Variants in NKAIN2 observed in about 807,000 individuals in gnomAD.
The protein encoded by NKAIN2 is sodium/potassium transporting ATPase interacting 2.
In NKAIN2, 14 loss-of-function variants were observed where a neutral mutation model predicts 32.6. The observed-to-expected ratio is 0.43, with a 90% confidence interval of 0.28 to 0.67. NKAIN2 has a LOEUF of 0.67. Among genes scored for constraint, NKAIN2 ranks in the 30% least tolerant of loss-of-function variants. The pLI is 0.17. For synonymous variants in NKAIN2, 80 were observed against 87.2 expected (o/e 0.92, Z 0.46); for missense variants, 198 against 258.3 (o/e 0.77, Z 1.60).
intron 3 of NKAIN2, among the ~76,000 whole-genome samples, chr6:124,655,474 C>G (rs1033914460): frequency 6.6e-6 from 1 of 152,096 alleles, no homozygotes; most frequent in African/African-American, 2.4e-5. Context: ...TACCATAGCT[C>G]TAGTGGCCAA....
rs1359472284 is a variant in NKAIN2 at position 123,938,451 on chromosome 6, TAC to T, written c.54+134212_54+134213del. 2.5e-3 allele frequency among the ~76,000 whole-genome samples: 203 copies of T among 81,240 alleles called. 3 individuals are homozygous for T. The highest frequency in any genetic ancestry group is 3.1e-3 in the African/African-American group (45 of 14,486). 53.3% of individuals were successfully genotyped at this position (81,240 alleles called of 152,430 possible). ...ATATATATATATATATATATATATA[TAC>T]ACACACACACACACGCATATTATAC... On this transcript the variant is annotated intron_variant, in intron 1 of 6. Coordinates refer to ENST00000368417, the MANE Select transcript of NKAIN2 (RefSeq NM_001040214.3).
At chr6:124,275,042 T>C (rs1026901980) in intron 1 of NKAIN2, among the ~76,000 whole-genome samples, 5 of 152,102 alleles carry the variant, frequency 3.3e-5, no homozygotes, top group African/African-American at 1.2e-4. Context: ...TTTAGAAGAA[T>C]TTTCTGTTTT....
chr6:123,983,886 G>A (rs1274839660), intron 1 of NKAIN2, among the ~76,000 whole-genome samples: 1 of 151,980 alleles, frequency 6.6e-6, no homozygotes, highest in Admixed American at 6.6e-5. Flanking sequence ...GCAAGCTAAT[G>A]TTTTATCACA....
intron 1 of NKAIN2, among the ~76,000 whole-genome samples, chr6:124,195,048 T>A (rs1342817865): frequency 2.0e-5 from 3 of 151,746 alleles, no homozygotes; most frequent in African/African-American, 7.2e-5. Flanking sequence ...GCAATTTTTT[T>A]ATTTTTTGTG....
At chr6:123,965,869 A>G (rs1047102992) in intron 1 of NKAIN2, among the ~76,000 whole-genome samples, 5 of 152,310 alleles carry the variant, frequency 3.3e-5, no homozygotes, top group Middle Eastern at 3.4e-3. Flanking sequence ...CTGGTATACA[A>G]TAAAACCCAG....
At chr6:124,363,603 G>T (rs1205541625) in intron 3 of NKAIN2, among the ~76,000 whole-genome samples, 1 of 152,222 alleles carries the variant, frequency 6.6e-6, no homozygotes, top group Non-Finnish European at 1.5e-5. Context: ...TGAAGACAGG[G>T]AAGGACTCTA....
At chr6:124,430,796 C>T (rs1001489445) in intron 3 of NKAIN2, among the ~76,000 whole-genome samples, 14 of 152,124 alleles carry the variant, frequency 9.2e-5, no homozygotes, top group African/African-American at 2.4e-4. Flanking sequence ...GTGACATATA[C>T]TCCACCTCTC....
chr6:124,119,213 C>T (rs1180346521), intron 1 of NKAIN2, among the ~76,000 whole-genome samples: 2 of 152,100 alleles, frequency 1.3e-5, no homozygotes, highest in African/African-American at 2.4e-5. Context: ...AGTTACCTCA[C>T]CTCTGAATAA....
At chr6:124,628,022 C>T (rs537321139) in intron 3 of NKAIN2, among the ~76,000 whole-genome samples, 16 of 152,292 alleles carry the variant, frequency 1.1e-4, no homozygotes, top group African/African-American at 2.6e-4. Context: ...CACACACATT[C>T]GCATATTCAT....
intron 4 of NKAIN2, among the ~76,000 whole-genome samples, chr6:124,774,945 A>G (rs1778924011): frequency 6.6e-6 from 1 of 152,026 alleles, no homozygotes; most frequent in South Asian, 2.1e-4. Context: ...ACAAGCACCA[A>G]GGATACTGTT....
chr6:124,025,804 T>C (rs1306839885), intron 1 of NKAIN2, among the ~76,000 whole-genome samples: 3 of 152,196 alleles, frequency 2.0e-5, no homozygotes, highest in Admixed American at 2.0e-4. Flanking sequence ...ACCTTAGCAT[T>C]GTGGGGATTC....
At position 124,433,707 on chromosome 6, in the gene NKAIN2, C is replaced by T. The variant is rs182100223; in HGVS notation, c.273+78360C>T. ...TGCCAGGTGAATCGGCACTATTATT[C>T]TATCAACCAGGCTCATATAGACAAG... On this transcript the variant is annotated intron_variant, in intron 3 of 6. Coordinates refer to ENST00000368417, the MANE Select transcript of NKAIN2 (RefSeq NM_001040214.3). Among the ~76,000 whole-genome samples the T allele has an allele frequency of 1.1e-4, 16 of 152,200 alleles. No homozygotes were observed. The East Asian group carries it at 1.9e-3, about 18-fold the overall frequency.
intron 1 of NKAIN2, among the ~76,000 whole-genome samples, chr6:124,169,822 C>T (rs1006523384): frequency 6.6e-6 from 1 of 152,192 alleles, no homozygotes; most frequent in African/African-American, 2.4e-5. Flanking sequence ...TGGGGTGGAA[C>T]GGACTTTCAC....
At chr6:124,568,490 A>G (rs612146) in intron 3 of NKAIN2, among the ~76,000 whole-genome samples, 85,587 of 151,952 alleles carry the variant, frequency 0.56, 27,399 homozygotes, top group Non-Finnish European at 0.7. Flanking sequence ...TTTATAGATG[A>G]AAAAACTGAG....
chr6:124,815,230 A>ATATGTATACATG lies in NKAIN2; in HGVS notation c.536-3154_536-3153insGTATACATGTAT, dbSNP rs1421727105. Among the ~76,000 whole-genome samples, 413 of 138,838 alleles carry ATATGTATACATG rather than the reference A, an allele frequency of 3.0e-3. 5 individuals are homozygous for ATATGTATACATG. Among genetic ancestry groups the ATATGTATACATG allele is most frequent in the African/African-American group, 0.01 (397 of 38,608 alleles). The allele number at this position is 138,838 out of a possible 152,430, so 91.1% of individuals were successfully genotyped here. A position where few individuals can be genotyped will look rare whatever the true frequency, so the allele number is the denominator to read the frequency against. On this transcript the variant is annotated intron_variant, in intron 5 of 6. Transcript: ENST00000368417. The stretch of plus-strand genomic sequence containing the variant: ...AGTCTTAAACTATATATATACATAT[A>ATATGTATACATG]TATATATATATGTATATATGTATAT...
At chr6:124,269,556 C>T (rs1211075479) in intron 1 of NKAIN2, among the ~76,000 whole-genome samples, 1 of 151,564 alleles carries the variant, frequency 6.6e-6, no homozygotes, top group Non-Finnish European at 1.5e-5. Flanking sequence ...AAACCTCCGC[C>T]TCCCAAGTTC....
At position 124,824,926 on chromosome 6, in the gene NKAIN2, GAACATA is replaced by G. The variant is rs1781528736; in HGVS notation, c.*1701_*1706del. ...ATAGAGGAACAAAGAGTTATCATTG[GAACATA>G]AACTATAAAAAAAGATTCCAGCACT... On this transcript the variant is annotated 3_prime_UTR_variant, in exon 7 of 7. Coordinates refer to ENST00000368417, the MANE Select transcript of NKAIN2 (RefSeq NM_001040214.3). 1 of 152,434 alleles carries G rather than the reference GAACATA, an allele frequency of 6.6e-6. No homozygotes were observed. The highest frequency in any genetic ancestry group is 1.5e-5 in the Non-Finnish European group (1 of 68,020). 9.4% of individuals were successfully genotyped at this position (152,434 alleles called of 1,614,324 possible).
chr6:124,455,934 A>G (rs78470190), intron 3 of NKAIN2, among the ~76,000 whole-genome samples: 111 of 152,044 alleles, frequency 7.3e-4, no homozygotes, highest in African/African-American at 2.6e-3. Context: ...ATTTCCTACA[A>G]GGAAGTGTGT....
intron 3 of NKAIN2, among the ~76,000 whole-genome samples, chr6:124,418,489 T>G (rs1774597552): frequency 6.8e-6 from 1 of 147,858 alleles, no homozygotes; most frequent in South Asian, 2.1e-4. Context: ...TATATATAGT[T>G]TATTTATATA....
Sources: allele counts gnomAD v4.1 joint callset (sites outside exome capture counted in the v4.1 genomes callset), GRCh38; gene constraint gnomAD v4.1.1; transcripts MANE v1.5; gene names NCBI Gene and HGNC (gene_info 2026-07-23, HGNC 2026-07-21).